Variants in RORB observed in about 807,000 individuals in gnomAD.
RORB encodes RAR related orphan receptor B, also known as nuclear receptor ROR-beta.
Under a neutral mutation model 59.1 loss-of-function variants are expected in RORB, and 6 were observed. That is an observed-to-expected ratio of 0.10 (90% confidence interval 0.06 to 0.20). The LOEUF (loss-of-function observed/expected upper bound fraction) is 0.20. RORB is among the 10% of genes least tolerant of loss of function. The pLI is 1.00. For missense variants in RORB, 320 were observed against 560.5 expected, an observed-to-expected ratio of 0.57 and a Z score of 4.33; for synonymous variants, 215 against 204.5, an observed-to-expected ratio of 1.05 and a Z score of -0.44.
intron 4 of RORB, among the ~76,000 whole-genome samples, chr9:74,659,890 T>A (rs961066135): frequency 9.2e-5 from 14 of 152,186 alleles, no homozygotes; most frequent in Admixed American, 9.2e-4. Context: ...AATATAATCA[T>A]TTAATCATTT....
intron 1 of RORB, among the ~76,000 whole-genome samples, chr9:74,572,748 C>T (rs1318699761): frequency 6.6e-6 from 1 of 152,152 alleles, no homozygotes; most frequent in Non-Finnish European, 1.5e-5. Flanking sequence ...CTGTTTTCCT[C>T]AGTAGGTTTC....
intron 1 of RORB, among the ~76,000 whole-genome samples, chr9:74,572,467 T>A (rs1421138100): frequency 2.0e-5 from 3 of 152,158 alleles, no homozygotes; most frequent in Admixed American, 2.0e-4. Context: ...AGCCAAGATC[T>A]GCCTCTCATC....
At chr9:74,550,019 G>T (rs1371762360) in intron 1 of RORB, among the ~76,000 whole-genome samples, 1 of 152,028 alleles carries the variant, frequency 6.6e-6, no homozygotes, top group African/African-American at 2.4e-5. Flanking sequence ...GAGCCCCTGC[G>T]CCCGGCCGAT....
At chr9:74,593,866 A>G (rs1822935959) in intron 1 of RORB, among the ~76,000 whole-genome samples, 1 of 152,246 alleles carries the variant, frequency 6.6e-6, no homozygotes, top group East Asian at 1.9e-4. Context: ...CAACATTTCT[A>G]CATACCTCAA....
chr9:74,652,643 T>C (rs1824013904), intron 4 of RORB, among the ~76,000 whole-genome samples: 2 of 152,312 alleles, frequency 1.3e-5, no homozygotes, highest in East Asian at 1.9e-4. Context: ...TGAAGAACTC[T>C]AGGAGCAAAT....
intron 3 of RORB, among the ~76,000 whole-genome samples, chr9:74,638,672 A>C (rs781606723): frequency 6.6e-6 from 1 of 152,222 alleles, no homozygotes; most frequent in Non-Finnish European, 1.5e-5. Context: ...GCATACAACA[A>C]ATGTATTTAC....
At chr9:74,515,279 A>C (rs1403819256) in intron 1 of RORB, among the ~76,000 whole-genome samples, 2 of 151,768 alleles carry the variant, frequency 1.3e-5, no homozygotes, top group Non-Finnish European at 2.9e-5. Flanking sequence ...CATTTGATAG[A>C]AGAAGAGGCT....
chr9:74,654,728 C>T (rs1824053150), intron 4 of RORB, among the ~76,000 whole-genome samples: 1 of 152,106 alleles, frequency 6.6e-6, no homozygotes, highest in Non-Finnish European at 1.5e-5. Context: ...CATAAAGTTG[C>T]TCAATATATA....
chr9:74,659,361 T>C (rs1388391276), intron 4 of RORB, among the ~76,000 whole-genome samples: 1 of 152,204 alleles, frequency 6.6e-6, no homozygotes, highest in Admixed American at 6.6e-5. Flanking sequence ...AGAACTTACA[T>C]TTGAAATGGC....
chr9:74,519,214 G>A (rs745811170), intron 1 of RORB, among the ~76,000 whole-genome samples: 17 of 152,044 alleles, frequency 1.1e-4, no homozygotes, highest in African/African-American at 3.9e-4. Context: ...GAAAGGTTGT[G>A]CTGATTTCAG....
In RORB at chr9:74,498,153, G is replaced by T; in HGVS notation, c.7+170G>T. The T allele has an allele frequency of 1.1e-5, 8 of 757,698 alleles. No individual in the cohort carries two copies. In the South Asian group the frequency reaches 1.3e-4, roughly 13 times the overall value. 46.9% of individuals were successfully genotyped at this position (757,698 alleles called of 1,614,324 possible). A position where few individuals can be genotyped will look rare whatever the true frequency, so the allele number is the denominator to read the frequency against. The stretch of plus-strand genomic sequence containing the variant: ...GCAAATGGCCTGGGCGTAGAAAGTT[G>T]CGGGAAGGTGTTGATGTCTTTCGGG... On this transcript the variant is annotated intron_variant, in intron 1 of 9. Coordinates refer to ENST00000376896, the MANE Select transcript of RORB (RefSeq NM_006914.4).
At chr9:74,614,562 G>A (rs1295848349) in intron 1 of RORB, among the ~76,000 whole-genome samples, 1 of 151,776 alleles carries the variant, frequency 6.6e-6, no homozygotes, top group East Asian at 1.9e-4. Context: ...AGAACATCAT[G>A]TTGTATATTT....
chr9:74,641,458 T>C (rs1490232454), intron 3 of RORB, among the ~76,000 whole-genome samples: 1 of 152,116 alleles, frequency 6.6e-6, no homozygotes, highest in East Asian at 1.9e-4. Flanking sequence ...TTTTGGTCAC[T>C]TGCTAGGCAT....
chr9:74,625,203 T>A (rs893735085), intron 1 of RORB, among the ~76,000 whole-genome samples: 4 of 152,218 alleles, frequency 2.6e-5, no homozygotes, highest in African/African-American at 9.6e-5. Context: ...AATTCCTAGC[T>A]AATAACTTAA....
In RORB at chr9:74,630,290, G is replaced by C. The variant is rs1240476123; in HGVS notation, c.16G>C (p.Glu6Gln). 6.2e-7 allele frequency: 1 copy of C among 1,612,988 alleles called. No homozygotes were observed. The highest frequency in any genetic ancestry group is 1.7e-5 in the Admixed American group (1 of 59,992). MRAQIEVIPCKICGDK... is the reference protein window; with the variant it reads MRAQIQVIPCKICGDK... ...CTGTTTTCTCCTTTCAGCACAAATT[G>C]AAGTGATACCATGCAAAATTTGTGG... The change falls in exon 2 of 10, where the codon GAA becomes CAA. Residue 6 changes from glutamate (E) to glutamine (Q), a missense_variant. Physicochemically the swap from Glu to Gln is conservative, Grantham distance 29. Around this residue, in one of 4 missense-constraint regions of RORB, gnomAD observed 37 missense variants for 116.4 expected, o/e 0.32. Coordinates refer to ENST00000376896, the MANE Select transcript of RORB (RefSeq NM_006914.4).
At chr9:74,531,034 G>A (rs544538402) in intron 1 of RORB, among the ~76,000 whole-genome samples, 1 of 151,846 alleles carries the variant, frequency 6.6e-6, no homozygotes, top group South Asian at 2.1e-4. Flanking sequence ...TAAGGCACTA[G>A]ATTATTATAT....
At chr9:74,626,156 G>A (rs939304467) in intron 1 of RORB, among the ~76,000 whole-genome samples, 1 of 152,064 alleles carries the variant, frequency 6.6e-6, no homozygotes, top group Non-Finnish European at 1.5e-5. Flanking sequence ...GGTTTTCAGG[G>A]GGAGCTTGGG....
At chr9:74,507,075 G>A (rs1007212106) in intron 1 of RORB, among the ~76,000 whole-genome samples, 4 of 151,936 alleles carry the variant, frequency 2.6e-5, no homozygotes, top group Non-Finnish European at 4.4e-5. Context: ...ATTCACCCAC[G>A]CCTTATTGCA....
intron 1 of RORB, among the ~76,000 whole-genome samples, chr9:74,622,651 C>T (rs1261747710): frequency 6.6e-6 from 1 of 151,092 alleles, no homozygotes; most frequent in Non-Finnish European, 1.5e-5. Flanking sequence ...CCTAGCCTCC[C>T]GAGTAGCTGG....
Sources: gnomAD v4.1 joint callset for allele counts (sites outside exome capture counted in the v4.1 genomes callset) on GRCh38, gnomAD v4.1.1 for gene constraint, gnomAD v4.1.1 regional missense constraint, MANE v1.5 for transcripts, NCBI Gene and HGNC (gene_info 2026-07-23, HGNC 2026-07-21) for gene names.